CCDC91: variants seen among roughly 807,000 people sequenced by gnomAD.
The protein encoded by CCDC91 is coiled-coil domain containing 91.
In CCDC91, 48 loss-of-function variants were observed where a neutral mutation model predicts 63.2. That is an observed-to-expected ratio of 0.76 (90% confidence interval 0.60 to 0.97). The LOEUF is 0.97. Among genes scored for constraint, CCDC91 ranks in the 50% least tolerant of loss-of-function variants. CCDC91 has a pLI of 0.00. For synonymous variants in CCDC91, 167 were observed against 165.8 expected, an observed-to-expected ratio of 1.01 and a Z score of -0.06; for missense variants, 500 against 494.6, an observed-to-expected ratio of 1.01 and a Z score of -0.10.
intron 3 of CCDC91, among the ~76,000 whole-genome samples, chr12:28,275,814 A>T (rs1948171770): frequency 6.6e-6 from 1 of 152,216 alleles, no homozygotes; most frequent in South Asian, 2.1e-4. Context: ...AGGCTGTTTC[A>T]ACATATGCAA....
chr12:28,237,918 C>T (rs1337760550), intron 1 of CCDC91, among the ~76,000 whole-genome samples: 1 of 152,120 alleles, frequency 6.6e-6, no homozygotes, highest in Non-Finnish European at 1.5e-5. Context: ...TTATTACATC[C>T]TTATACATTG....
chr12:28,195,591 T>C (rs1016855746), intron 1 of CCDC91, among the ~76,000 whole-genome samples: 1 of 152,240 alleles, frequency 6.6e-6, no homozygotes, highest in Non-Finnish European at 1.5e-5. Flanking sequence ...GGTAGCGTTA[T>C]AGTGTATCTT....
At chr12:28,542,225 G>A (rs568587507) in intron 12 of CCDC91, among the ~76,000 whole-genome samples, 39 of 152,108 alleles carry the variant, frequency 2.6e-4, no homozygotes, top group African/African-American at 8.7e-4. Context: ...ATGCAAATAC[G>A]ATGAACTTAC....
At chr12:28,243,056 C>T (rs1367312337) in intron 1 of CCDC91, among the ~76,000 whole-genome samples, 1 of 152,134 alleles carries the variant, frequency 6.6e-6, no homozygotes, top group South Asian at 2.1e-4. Context: ...AATTAAACCC[C>T]ATTTCTTTAT....
intron 12 of CCDC91, among the ~76,000 whole-genome samples, chr12:28,511,003 A>G (rs1939314675): frequency 1.3e-5 from 2 of 151,926 alleles, no homozygotes; most frequent in Non-Finnish European, 2.9e-5. Context: ...TCCTTTCTTC[A>G]AAGCTCACAT....
intron 7 of CCDC91, among the ~76,000 whole-genome samples, chr12:28,376,205 A>G (rs75753659): frequency 0.076 from 11,558 of 151,786 alleles, 484 homozygotes; most frequent in Non-Finnish European, 0.091. Flanking sequence ...TGGTCAATGT[A>G]TTCTATTTTC....
intron 12 of CCDC91, among the ~76,000 whole-genome samples, chr12:28,548,815 T>G (rs1405149225): frequency 1.3e-5 from 2 of 152,186 alleles, no homozygotes; most frequent in East Asian, 3.8e-4. Context: ...TCTGATCAAA[T>G]GTATGATATT....
intron 3 of CCDC91, among the ~76,000 whole-genome samples, chr12:28,299,693 T>A (rs1181437430): frequency 6.6e-6 from 1 of 151,714 alleles, no homozygotes; most frequent in Non-Finnish European, 1.5e-5. Context: ...TGTTTGTTTT[T>A]GGCTTTATCC....
chr12:28,310,806 C>G (rs551865155), intron 6 of CCDC91, among the ~76,000 whole-genome samples: 1 of 152,006 alleles, frequency 6.6e-6, no homozygotes, highest in African/African-American at 2.4e-5. Context: ...CCATTCTGTG[C>G]TTAAACTTTC....
chr12:28,286,277 C>T (rs1366408489), intron 3 of CCDC91, among the ~76,000 whole-genome samples: 1 of 151,842 alleles, frequency 6.6e-6, no homozygotes, highest in East Asian at 1.9e-4. Context: ...TAAACCTGTG[C>T]CATGGGGGTT....
Position 28,440,307 on chromosome 12 carries a change from A to T in CCDC91, c.763-9854A>T, listed in dbSNP as rs576736144. ...TGCCTCACTAGGTATGATGGTAAGT[A>T]ATTATTGCCTAATTACAGAGCCCTG... is the stretch of plus-strand genomic sequence containing the variant. On this transcript the variant is annotated intron_variant, in intron 8 of 12. Transcript: ENST00000536442. 2.6e-5 allele frequency among the ~76,000 whole-genome samples: 4 copies of T among 152,332 alleles called. No individual in the cohort carries two copies. In the East Asian group the frequency reaches 7.7e-4, roughly 29 times the overall value.
chr12:28,360,083 G>A (rs979162077), intron 6 of CCDC91, among the ~76,000 whole-genome samples: 10 of 152,160 alleles, frequency 6.6e-5, no homozygotes, highest in African/African-American at 2.2e-4. Context: ...AAAGTAGATC[G>A]TTGCCATGAA....
At chr12:28,407,755 T>A (rs574159433) in intron 8 of CCDC91, among the ~76,000 whole-genome samples, 1 of 152,092 alleles carries the variant, frequency 6.6e-6, no homozygotes, top group African/African-American at 2.4e-5. Context: ...TAGGTCTTCC[T>A]TAATTTCCCT....
chr12:28,250,953 A>AGTGTGTGT (rs3064712), intron 1 of CCDC91, among the ~76,000 whole-genome samples: 22 of 145,548 alleles, frequency 1.5e-4, no homozygotes, highest in East Asian at 8.1e-4. Context: ...TTAAGGTTTG[A>AGTGTGTGT]GTGTGTGTGT....
intron 8 of CCDC91, among the ~76,000 whole-genome samples, chr12:28,410,577 A>G (rs1947254083): frequency 6.6e-6 from 1 of 152,094 alleles, no homozygotes; most frequent in Non-Finnish European, 1.5e-5. Context: ...GCTGGAGTGC[A>G]GTGGCATGAT....
rs553468241 is a variant in CCDC91, at chr12:28,212,254, T to A, written c.-15+21613T>A. 1.3e-4 allele frequency among the ~76,000 whole-genome samples: 20 copies of A among 152,274 alleles called. 1 individual carries two copies. The South Asian group carries it at 3.9e-3, about 30-fold the overall frequency. On this transcript the variant is annotated intron_variant, in intron 1 of 12. Coordinates refer to ENST00000536442, the MANE Select transcript of CCDC91 (RefSeq NM_018318.5). ...CCATATTAAATTTAAAGGAGTTTAA[T>A]TGGGCAATGAACGATTTGTGAATTG...
intron 8 of CCDC91, among the ~76,000 whole-genome samples, chr12:28,420,598 G>A (rs1442380367): frequency 6.6e-6 from 1 of 152,068 alleles, no homozygotes; most frequent in Non-Finnish European, 1.5e-5. Flanking sequence ...AAAATGAAAG[G>A]TAAAGGAAGA....
At chr12:28,273,433 T>C (rs1469619804) in intron 3 of CCDC91, among the ~76,000 whole-genome samples, 2 of 152,214 alleles carry the variant, frequency 1.3e-5, no homozygotes, top group Non-Finnish European at 2.9e-5. Context: ...CCACAATGGT[T>C]GAACTAGTTT....
At chr12:28,548,020 T>C (rs1593024767) in intron 12 of CCDC91, among the ~76,000 whole-genome samples, 2 of 152,218 alleles carry the variant, frequency 1.3e-5, no homozygotes, top group African/African-American at 4.8e-5. Flanking sequence ...TTGCCTAGTT[T>C]TGTTATTTTT....
Sources: allele counts gnomAD v4.1 joint callset (sites outside exome capture counted in the v4.1 genomes callset), GRCh38; gene constraint gnomAD v4.1.1; transcripts MANE v1.5; gene names NCBI Gene and HGNC (gene_info 2026-07-23, HGNC 2026-07-21).